The following PDZRN4 variants were observed in gnomAD, a reference collection of about 807,000 sequenced individuals.
The protein encoded by PDZRN4 is PDZ domain-containing RING finger protein 4.
Under a neutral mutation model 99.0 loss-of-function variants are expected in PDZRN4, and 70 were observed. The observed-to-expected ratio is 0.71, with a 90% CI of 0.58 to 0.86. The LOEUF is 0.86. Among genes scored for constraint, PDZRN4 ranks in the 40% least tolerant of loss-of-function variants. The pLI is 0.00. For synonymous variants in PDZRN4, 551 were observed against 501.6 expected (o/e 1.10, Z -1.32); for missense variants, 1,474 against 1,331.2 (o/e 1.11, Z -1.67).
At chr12:41,377,507 A>G (rs565388733) in intron 3 of PDZRN4, among the ~76,000 whole-genome samples, 5 of 152,272 alleles carry the variant, frequency 3.3e-5, no homozygotes, top group African/African-American at 1.2e-4. Flanking sequence ...TATTAAAAAT[A>G]CAAAAAAATT....
intron 3 of PDZRN4, among the ~76,000 whole-genome samples, chr12:41,373,806 C>G (rs960094863): frequency 6.6e-6 from 1 of 152,084 alleles, no homozygotes; most frequent in South Asian, 2.1e-4. Flanking sequence ...TGATAAGTGT[C>G]CATGAAATCT....
rs1346738107 is a variant in PDZRN4, at chr12:41,188,897, G to C, written c.442G>C (p.Gly148Arg). The change falls in exon 1 of 10, where the codon GGG becomes CGG. Residue 148 changes from glycine (G) to arginine (R), a missense_variant. Transcript: ENST00000402685. ...TGGCCGGGGCGGGGGCGCGCGCGGG[G>C]GGCCGCCGGGCGGCCGCTGGGGCCG... The part of the protein sequence containing the change: ...RAGRGGGARG[G>R]PPGGRWGRGR... 9.1e-7 allele frequency: 1 copy of C among 1,092,906 alleles called. No homozygotes were observed. Among genetic ancestry groups the C allele is most frequent in the Non-Finnish European group, 1.1e-6 (1 of 901,122 alleles). The allele number at this position is 1,092,906 out of a possible 1,614,324, so 67.7% of individuals were successfully genotyped here.
At chr12:41,387,755 A>G (rs1447232556) in intron 3 of PDZRN4, among the ~76,000 whole-genome samples, 1 of 152,268 alleles carries the variant, frequency 6.6e-6, no homozygotes, top group East Asian at 1.9e-4. Context: ...CAGAATGGCT[A>G]TCATTAAAAA....
intron 3 of PDZRN4, among the ~76,000 whole-genome samples, chr12:41,200,260 A>G (rs1188262301): frequency 3.9e-5 from 6 of 152,086 alleles, no homozygotes; most frequent in South Asian, 2.1e-4. Context: ...TCACTCAAAG[A>G]TTTCTCAACT....
intron 3 of PDZRN4, among the ~76,000 whole-genome samples, chr12:41,482,045 A>C (rs561277068): frequency 6.6e-6 from 1 of 152,292 alleles, no homozygotes; most frequent in African/African-American, 2.4e-5. Context: ...CTTCAAATTC[A>C]TTTTGATCAT....
chr12:41,447,556 C>T (rs1952739774), intron 3 of PDZRN4, among the ~76,000 whole-genome samples: 1 of 152,036 alleles, frequency 6.6e-6, no homozygotes, highest in Non-Finnish European at 1.5e-5. Context: ...GATTAAATGA[C>T]ACAATACGTT....
chr12:41,395,362 C>T (rs559107830), intron 3 of PDZRN4, among the ~76,000 whole-genome samples: 2 of 152,156 alleles, frequency 1.3e-5, no homozygotes, highest in African/African-American at 2.4e-5. Context: ...AAAGGAGTCA[C>T]TGGTCCATAG....
chr12:41,369,535 C>T (rs973674812), intron 3 of PDZRN4, among the ~76,000 whole-genome samples: 3 of 151,614 alleles, frequency 2.0e-5, no homozygotes, highest in Non-Finnish European at 2.9e-5. Flanking sequence ...TTGTCATTTC[C>T]TTTTCTGTCA....
chr12:41,206,531 A>C (rs760844309), intron 3 of PDZRN4, among the ~76,000 whole-genome samples: 1 of 150,540 alleles, frequency 6.6e-6, no homozygotes, highest in East Asian at 1.9e-4. Context: ...AATTAAGCTT[A>C]ATTAATTAAT....
At chr12:41,275,609 G>A (rs1182383302) in intron 3 of PDZRN4, among the ~76,000 whole-genome samples, 1 of 151,976 alleles carries the variant, frequency 6.6e-6, no homozygotes, top group African/African-American at 2.4e-5. Flanking sequence ...GGCGGTTGGT[G>A]TAATTTTTAT....
At chr12:41,513,450 C>T (rs892790108) in intron 5 of PDZRN4, among the ~76,000 whole-genome samples, 1 of 152,000 alleles carries the variant, frequency 6.6e-6, no homozygotes, top group Non-Finnish European at 1.5e-5. Flanking sequence ...GAAACTTGTT[C>T]TCTTTAAAAA....
chr12:41,375,599 A>G (rs1952073482), intron 3 of PDZRN4, among the ~76,000 whole-genome samples: 5 of 152,122 alleles, frequency 3.3e-5, no homozygotes, highest in Admixed American at 3.3e-4. Context: ...ATTCTGTTTC[A>G]TTTTCAAGCT....
At chr12:41,222,000 A>G (rs188025628) in intron 3 of PDZRN4, among the ~76,000 whole-genome samples, 3 of 152,170 alleles carry the variant, frequency 2.0e-5, no homozygotes, top group Non-Finnish European at 4.4e-5. Context: ...GTCTTCTAAG[A>G]TATAATGTGG....
In PDZRN4 at chr12:41,574,708, C is replaced by G. The variant is rs536613408; in HGVS notation, c.*818C>G. ...TATAAAATGTGCACATTTTCTATCA[C>G]TTGTTTCCAATAAAGTTGTATTGAA... On this transcript the variant is annotated 3_prime_UTR_variant, in exon 10 of 10. Coordinates refer to ENST00000402685, the MANE Select transcript of PDZRN4 (RefSeq NM_001164595.2). 6.6e-6 allele frequency: 1 copy of G among 152,208 alleles called. No individual in the cohort carries two copies. The highest frequency in any genetic ancestry group is 2.4e-5 in the African/African-American group (1 of 41,454). 9.4% of individuals were successfully genotyped at this position (152,208 alleles called of 1,614,324 possible). A position where few individuals can be genotyped will look rare whatever the true frequency, so the allele number is the denominator to read the frequency against.
At chr12:41,223,709 G>A (rs991708945) in intron 3 of PDZRN4, among the ~76,000 whole-genome samples, 1 of 152,164 alleles carries the variant, frequency 6.6e-6, no homozygotes, top group African/African-American at 2.4e-5. Context: ...ACTCACTGCA[G>A]CAGAGCTAGC....
intron 5 of PDZRN4, among the ~76,000 whole-genome samples, chr12:41,535,268 G>T (rs1228464697): frequency 1.3e-5 from 2 of 152,056 alleles, no homozygotes; most frequent in Non-Finnish European, 2.9e-5. Context: ...TGTGAAATTT[G>T]ACTGTAAGCT....
At chr12:41,523,954 G>A in intron 5 of PDZRN4, among the ~76,000 whole-genome samples, 1 of 152,202 alleles carries the variant, frequency 6.6e-6, no homozygotes. Context: ...AGCTTGGAGA[G>A]AAGTATACAC....
At chr12:41,262,853 G>A (rs1175630292) in intron 3 of PDZRN4, among the ~76,000 whole-genome samples, 1 of 152,126 alleles carries the variant, frequency 6.6e-6, no homozygotes, top group African/African-American at 2.4e-5. Flanking sequence ...AGATGTCGGC[G>A]TTTCTAGAAT....
At position 41,428,786 on chromosome 12, in the gene PDZRN4, C is replaced by T. The variant is rs112681074; in HGVS notation, c.844-77670C>T. ...TCCTCACACCATTAGAAACTCCAGA[C>T]GCTCATGAGCGAATGCAAGACCTGG... On this transcript the variant is annotated intron_variant, in intron 3 of 9. Coordinates refer to ENST00000402685, the MANE Select transcript of PDZRN4 (RefSeq NM_001164595.2). 8.0e-3 allele frequency among the ~76,000 whole-genome samples: 1,218 copies of T among 152,232 alleles called. 18 individuals are homozygous for T. Among genetic ancestry groups the T allele is most frequent in the African/African-American group, 0.026 (1,096 of 41,530 alleles).
Sources: gnomAD v4.1 joint callset for allele counts (sites outside exome capture counted in the v4.1 genomes callset) on GRCh38, gnomAD v4.1.1 for gene constraint, MANE v1.5 for transcripts, NCBI Gene and HGNC (gene_info 2026-07-23, HGNC 2026-07-21) for gene names.